Variants in HNF4G observed in about 807,000 individuals in gnomAD.
HNF4G encodes hepatocyte nuclear factor 4 gamma, also known as hepatocyte nuclear factor 4-gamma.
HNF4G carries 21 observed loss-of-function variants against 50.9 expected under a neutral mutation model. The ratio of observed to expected loss-of-function variants is 0.41; its 90% CI spans 0.29 to 0.59. The LOEUF is 0.59. HNF4G is among the 20% of genes least tolerant of loss of function. The pLI is 0.26. For missense variants in HNF4G, 527 were observed against 559.4 expected, an observed-to-expected ratio of 0.94 and a Z score of 0.58; for synonymous variants, 198 against 185.6, an observed-to-expected ratio of 1.07 and a Z score of -0.54.
At chr8:75,548,817 T>G (rs993152216) in intron 3 of HNF4G, among the ~76,000 whole-genome samples, 14 of 152,206 alleles carry the variant, frequency 9.2e-5, no homozygotes, top group African/African-American at 3.4e-4. Context: ...CATAGTTAGA[T>G]TTTTCTTTGC....
At chr8:75,466,636 CTCCCTTCCCTTCCCTTCCCTTCCCT>C (rs368808035) in intron 1 of HNF4G, among the ~76,000 whole-genome samples, 54 of 38,730 alleles carry the variant, frequency 1.4e-3, no homozygotes, top group African/African-American at 4.8e-3. Flanking sequence ...TTCCTTCCTT[CTCCCTTCCCTTCCCTTCCCTTCCCT>C]TCCCTTCCCT....
intron 1 of HNF4G, among the ~76,000 whole-genome samples, chr8:75,470,814 T>G (rs1184525154): frequency 2.0e-5 from 3 of 152,236 alleles, no homozygotes; most frequent in Non-Finnish European, 2.9e-5. Context: ...CTATAAGAAA[T>G]AGAGTCACAT....
chr8:75,443,733 T>C (rs571446697), intron 1 of HNF4G, among the ~76,000 whole-genome samples: 14 of 152,214 alleles, frequency 9.2e-5, no homozygotes, highest in Non-Finnish European at 1.6e-4. Context: ...CCTATCTATA[T>C]TGTGTACATT....
intron 1 of HNF4G, among the ~76,000 whole-genome samples, chr8:75,469,750 C>G (rs1170406078): frequency 2.0e-5 from 3 of 152,130 alleles, no homozygotes; most frequent in Non-Finnish European, 4.4e-5. Flanking sequence ...CCCAGGTTAT[C>G]TTCAAGTTTT....
At chr8:75,443,100 G>C (rs1439109609) in intron 1 of HNF4G, among the ~76,000 whole-genome samples, 1 of 152,136 alleles carries the variant, frequency 6.6e-6, no homozygotes, top group African/African-American at 2.4e-5. Context: ...TTATAACAGA[G>C]GCCCTAGAAA....
chr8:75,486,705 GAATTTAAA>G (rs1812505034), intron 1 of HNF4G, among the ~76,000 whole-genome samples: 3 of 152,130 alleles, frequency 2.0e-5, no homozygotes, highest in African/African-American at 7.2e-5. Flanking sequence ...TTCTAAAAGT[GAATTTAAA>G]AACTGAGTAG....
intron 1 of HNF4G, among the ~76,000 whole-genome samples, chr8:75,485,430 T>C (rs900176411): frequency 1.3e-5 from 2 of 152,334 alleles, no homozygotes; most frequent in Non-Finnish European, 2.9e-5. Context: ...GTCATAAATA[T>C]ATTTTAATAA....
chr8:75,556,679 A>T (rs1309275243), intron 6 of HNF4G, among the ~76,000 whole-genome samples: 1 of 152,178 alleles, frequency 6.6e-6, no homozygotes, highest in African/African-American at 2.4e-5. Context: ...TAACTTAAAC[A>T]GTTAGGTTTT....
At chr8:75,537,725 A>T (rs1333979231), upstream of HNF4G, among the ~76,000 whole-genome samples, 2 of 152,112 alleles carry the variant, frequency 1.3e-5, no homozygotes, top group East Asian at 3.9e-4. Flanking sequence ...TAAAAAATAA[A>T]AAACTAGAAA....
At chr8:75,501,963 C>T (rs1373910396) in intron 2 of HNF4G, among the ~76,000 whole-genome samples, 1 of 151,900 alleles carries the variant, frequency 6.6e-6, no homozygotes, top group Non-Finnish European at 1.5e-5. Context: ...AGCGATTCTC[C>T]TGCCTTAGAC....
At chr8:75,560,226 C>G in intron 8 of HNF4G, 118 bp from the exon 9 acceptor site, 1 of 1,042,204 alleles carries the variant, frequency 9.6e-7, no homozygotes, top group South Asian at 1.4e-5. Flanking sequence ...TTTGAATTCC[C>G]AAAAAGCACT....
intron 1 of HNF4G, among the ~76,000 whole-genome samples, chr8:75,464,612 T>C (rs887536087): frequency 6.6e-6 from 1 of 152,128 alleles, no homozygotes; most frequent in African/African-American, 2.4e-5. Flanking sequence ...TGGATGAGAG[T>C]CTTATTTTAT....
chr8:75,442,723 T>G (rs830784), intron 1 of HNF4G, among the ~76,000 whole-genome samples: 127,584 of 152,124 alleles, frequency 0.84, 54,256 homozygotes, highest in African/African-American at 0.96. Context: ...CCTAAAGCCT[T>G]CAGGAGATGG....
At chr8:75,413,988 T>C (rs1044966415) in intron 1 of HNF4G, among the ~76,000 whole-genome samples, 3 of 152,196 alleles carry the variant, frequency 2.0e-5, no homozygotes, top group Non-Finnish European at 4.4e-5. Flanking sequence ...AAATTAAATA[T>C]AAATTCTTTA....
At chr8:75,551,239 G>C (rs1053784385) in intron 3 of HNF4G, 149 bp from the exon 4 acceptor site, 17 of 552,490 alleles carry the variant, frequency 3.1e-5, no homozygotes. Context: ...ATTTTTGAAA[G>C]TAGTGGAGAA....
chr8:75,411,795 A>G (rs1389439337), intron 1 of HNF4G, among the ~76,000 whole-genome samples: 2 of 152,282 alleles, frequency 1.3e-5, no homozygotes, highest in Admixed American at 6.5e-5. Flanking sequence ...ATGGGAAGGG[A>G]GGGGTGCTTG....
chr8:75,515,637 G>A (rs1805867341), intron 2 of HNF4G, among the ~76,000 whole-genome samples: 1 of 152,134 alleles, frequency 6.6e-6, no homozygotes, highest in African/African-American at 2.4e-5. Flanking sequence ...GAGCACCAAT[G>A]TCCAAAAGCA....
intron 2 of HNF4G, among the ~76,000 whole-genome samples, chr8:75,503,842 A>G (rs1299259321): frequency 6.6e-6 from 1 of 152,130 alleles, no homozygotes; most frequent in Non-Finnish European, 1.5e-5. Flanking sequence ...TTTGCTGTGG[A>G]TGGGAACCAG....
Position 75,553,083 on chromosome 8 carries a change from T to C in HNF4G, c.531T>C (p.Val177=). Reference sequence around the variant, plus strand: ...CTGGGTCAAGCACTGACATAAACGTTAAGAAAATTGCAAGTATTGGTGATG... The same window carrying C: ...CTGGGTCAAGCACTGACATAAACGTCAAGAAAATTGCAAGTATTGGTGATG... ...SSPGSSTDIN[V]KKIASIGDVC... is the part of the protein sequence containing the mutation. The change falls in exon 5 of 10, where the codon GTT becomes GTC. Residue 177 remains valine (V), a synonymous_variant. Coordinates refer to ENST00000396423, the MANE Select transcript of HNF4G (RefSeq NM_004133.5). The C allele has an allele frequency of 6.2e-7, 1 of 1,612,810 alleles. No individual in the cohort carries two copies.
Sources: allele counts gnomAD v4.1 joint callset (sites outside exome capture counted in the v4.1 genomes callset), GRCh38; gene constraint gnomAD v4.1.1; transcripts MANE v1.5; gene names NCBI Gene and HGNC (gene_info 2026-07-23, HGNC 2026-07-21).